The following NFIA variants were observed in gnomAD, a reference collection of about 807,000 sequenced individuals.
NFIA encodes the protein nuclear factor 1 A-type.
NFIA carries 8 observed loss-of-function variants against 62.8 expected under a neutral mutation model. The observed-to-expected ratio is 0.13, with a 90% CI of 0.07 to 0.23. NFIA has a LOEUF of 0.23. Ranked by LOEUF, NFIA falls within the 10% of genes least tolerant of loss-of-function variation. The pLI, the probability that NFIA is intolerant of heterozygous loss-of-function variation, is 1.00. For missense variants in NFIA, 410 were observed against 642.1 expected, an observed-to-expected ratio of 0.64 and a Z score of 3.91; for synonymous variants, 235 against 238.1, an observed-to-expected ratio of 0.99 and a Z score of 0.12.
intron 3 of NFIA, among the ~76,000 whole-genome samples, chr1:61,298,319 C>T (rs1659301421): frequency 6.6e-6 from 1 of 152,054 alleles, no homozygotes; most frequent in African/African-American, 2.4e-5. Flanking sequence ...CCTCCCCAGC[C>T]ATGCAGAACT....
intron 2 of NFIA, among the ~76,000 whole-genome samples, chr1:61,111,843 C>T (rs192037193): frequency 6.6e-6 from 1 of 152,128 alleles, no homozygotes; most frequent in Admixed American, 6.5e-5. Flanking sequence ...ATATAAAAAA[C>T]CAAAAATGAT....
intron 10 of NFIA, among the ~76,000 whole-genome samples, chr1:61,454,496 G>A (rs965169831): frequency 6.6e-6 from 1 of 152,186 alleles, no homozygotes; most frequent in Admixed American, 6.5e-5. Context: ...CTGCATGGAC[G>A]CAAGCATGAA....
At chr1:61,355,323 A>G (rs915702645) in intron 5 of NFIA, among the ~76,000 whole-genome samples, 1 of 152,228 alleles carries the variant, frequency 6.6e-6, no homozygotes, top group East Asian at 1.9e-4. Context: ...CAATAGATAG[A>G]TAGGTAGGTA....
In NFIA at chr1:61,439,168, C is replaced by G. The variant is rs558562989; in HGVS notation, c.1512+12612C>G. On this transcript the variant is annotated intron_variant, in intron 10 of 10. Transcript: ENST00000403491. ...GTTACCTGAGTGCACCCCCAAGCCC[C>G]CACACTCTCCAGTGTAGATAATGGT... 5.5e-4 allele frequency among the ~76,000 whole-genome samples: 84 copies of G among 152,176 alleles called. 1 individual carries two copies. Among genetic ancestry groups the G allele is most frequent in the African/African-American group, 1.9e-3 (78 of 41,526 alleles).
intron 2 of NFIA, among the ~76,000 whole-genome samples, chr1:61,196,928 T>C (rs1197179788): frequency 2.4e-5 from 3 of 122,706 alleles, no homozygotes; most frequent in African/African-American, 9.3e-5. Context: ...TGTGTGTGTG[T>C]GTGTGTGTGT....
intron 2 of NFIA, among the ~76,000 whole-genome samples, chr1:61,236,888 GAAC>G (rs1174173725): frequency 1.3e-5 from 2 of 152,018 alleles, no homozygotes. Flanking sequence ...GAAGAAAACA[GAAC>G]AACCTCTTTG....
intron 2 of NFIA, among the ~76,000 whole-genome samples, chr1:61,139,241 T>C (rs771740161): frequency 2.6e-5 from 4 of 152,154 alleles, no homozygotes; most frequent in Non-Finnish European, 5.9e-5. Flanking sequence ...AAATAATTCT[T>C]AACACATTTG....
intron 7 of NFIA, among the ~76,000 whole-genome samples, chr1:61,387,480 T>TGTTTG (rs771854065): frequency 1.4e-5 from 2 of 143,926 alleles, no homozygotes. Context: ...TTTTTTTTTT[T>TGTTTG]TTTTTTTTTT....
intron 3 of NFIA, among the ~76,000 whole-genome samples, chr1:61,311,641 A>C (rs76923343): frequency 0.013 from 1,960 of 152,278 alleles, 33 homozygotes; most frequent in African/African-American, 0.045. Context: ...GACATTGCCA[A>C]ATGTCACCTG....
intron 2 of NFIA, among the ~76,000 whole-genome samples, chr1:61,245,266 T>C (rs1454325885): frequency 1.3e-5 from 2 of 152,178 alleles, no homozygotes; most frequent in African/African-American, 4.8e-5. Flanking sequence ...GGTTTTTGTT[T>C]TGTAAGTATT....
intron 3 of NFIA, among the ~76,000 whole-genome samples, chr1:61,331,917 CA>C (rs199562249): frequency 4.0e-5 from 6 of 151,376 alleles, no homozygotes; most frequent in South Asian, 2.1e-4. Context: ...TCAACAGACA[CA>C]AAAAAAAATT....
intron 3 of NFIA, among the ~76,000 whole-genome samples, chr1:61,328,238 C>A (rs1202309052): frequency 6.6e-6 from 1 of 151,966 alleles, no homozygotes; most frequent in African/African-American, 2.4e-5. Flanking sequence ...CTCAGTGTCT[C>A]CAACATCTTG....
intron 4 of NFIA, among the ~76,000 whole-genome samples, chr1:61,340,379 G>A (rs1215529477): frequency 1.3e-5 from 2 of 152,278 alleles, no homozygotes; most frequent in East Asian, 3.9e-4. Flanking sequence ...ATTGAGCTTT[G>A]CAACTTATCA....
chr1:61,446,027 GA>G (rs943620806), intron 10 of NFIA, among the ~76,000 whole-genome samples: 77 of 148,440 alleles, frequency 5.2e-4, no homozygotes, highest in African/African-American at 1.9e-3. Flanking sequence ...TGAACGATTA[GA>G]AAAAAAAAAT....
At chr1:61,248,526 T>G (rs1655798778) in intron 2 of NFIA, among the ~76,000 whole-genome samples, 1 of 152,204 alleles carries the variant, frequency 6.6e-6, no homozygotes, top group African/African-American at 2.4e-5. Context: ...CAGAGCTGTG[T>G]GTTCTTTTGT....
intron 5 of NFIA, among the ~76,000 whole-genome samples, chr1:61,357,746 T>C (rs542639190): frequency 1.8e-4 from 28 of 152,272 alleles, no homozygotes; most frequent in African/African-American, 5.5e-4. Context: ...GCACCTGGCA[T>C]GTAGGATGCG....
intron 2 of NFIA, among the ~76,000 whole-genome samples, chr1:61,203,405 T>C (rs919814793): frequency 1.3e-5 from 2 of 152,142 alleles, no homozygotes; most frequent in African/African-American, 2.4e-5. Flanking sequence ...CTCACCACCC[T>C]CCCTTATTTA....
At chr1:61,265,051 A>T (rs544318663) in intron 2 of NFIA, among the ~76,000 whole-genome samples, 3 of 152,304 alleles carry the variant, frequency 2.0e-5, no homozygotes, top group African/African-American at 7.2e-5. Context: ...TTTCCTTGTT[A>T]TATAGGATGT....
chr1:61,339,663 A>G (rs1383547663), intron 4 of NFIA, among the ~76,000 whole-genome samples: 1 of 152,112 alleles, frequency 6.6e-6, no homozygotes, highest in African/African-American at 2.4e-5. Context: ...AATTTTCTTG[A>G]CATGTTTGGG....
Sources: allele counts gnomAD v4.1 joint callset (sites outside exome capture counted in the v4.1 genomes callset), GRCh38; gene constraint gnomAD v4.1.1; transcripts MANE v1.5; gene names NCBI Gene and HGNC (gene_info 2026-07-23, HGNC 2026-07-21).